HHAT: variants seen among roughly 807,000 people sequenced by gnomAD.
HHAT encodes the protein hedgehog acyltransferase.
HHAT carries 47 observed loss-of-function variants against 70.8 expected under a neutral mutation model. The observed-to-expected ratio is 0.66, with a 90% confidence interval of 0.53 to 0.85. The LOEUF is 0.85. Ranked by LOEUF, HHAT falls within the 40% of genes least tolerant of loss-of-function variation. The probability of loss-of-function intolerance (pLI) is 0.00; values close to 1 mark genes in which losing one functional copy is unlikely to be tolerated. For missense variants in HHAT, 609 were observed against 604.8 expected (o/e 1.01, Z -0.07); for synonymous variants, 228 against 247.6 (o/e 0.92, Z 0.74).
chr1:210,487,113 G>A (rs781663954), intron 8 of HHAT, among the ~76,000 whole-genome samples: 1 of 152,172 alleles, frequency 6.6e-6, no homozygotes, highest in African/African-American at 2.4e-5. Context: ...GAGAGGACGG[G>A]CAGGAATGAG....
intron 3 of HHAT, among the ~76,000 whole-genome samples, chr1:210,363,945 A>G (rs1415761456): frequency 2.6e-5 from 4 of 152,156 alleles, no homozygotes; most frequent in African/African-American, 9.7e-5. Flanking sequence ...TGCCTGTACT[A>G]ATATTTTTCT....
chr1:210,417,532 A>G (rs1307249401), intron 6 of HHAT, among the ~76,000 whole-genome samples: 2 of 151,842 alleles, frequency 1.3e-5, no homozygotes, highest in African/African-American at 2.4e-5. Flanking sequence ...ACCATGCCCC[A>G]CCTTATTTTA....
Position 210,351,670 on chromosome 1 carries a change from C to A in HHAT, c.91+2604C>A, listed in dbSNP as rs1285023166. Among the ~76,000 whole-genome samples, 4 of 152,304 alleles carry A rather than the reference C, an allele frequency of 2.6e-5. No individual in the cohort carries two copies. In the East Asian group the frequency reaches 7.7e-4, roughly 29 times the overall value. The stretch of plus-strand genomic sequence containing the variant: ...TCACTCATCCAGGGTGGCTCACTCA[C>A]GTGGCTGGCAGTTGGTGCTGGCTTT... On this transcript the variant is annotated intron_variant, in intron 2 of 11. Transcript: ENST00000261458.
chr1:210,557,714 G>A (rs1044145416), intron 9 of HHAT, among the ~76,000 whole-genome samples: 1 of 152,126 alleles, frequency 6.6e-6, no homozygotes, highest in Non-Finnish European at 1.5e-5. Context: ...TCACTATCAC[G>A]AGAACAGCAC....
chr1:210,357,205 G>A (rs1362563149), intron 2 of HHAT, among the ~76,000 whole-genome samples: 1 of 152,076 alleles, frequency 6.6e-6, no homozygotes, highest in Non-Finnish European at 1.5e-5. Flanking sequence ...TTTTCCTCCT[G>A]GGTTAACACT....
intron 7 of HHAT, among the ~76,000 whole-genome samples, chr1:210,422,627 A>G (rs988830410): frequency 2.2e-4 from 34 of 152,112 alleles, no homozygotes; most frequent in Admixed American, 2.1e-3. Flanking sequence ...GTGTAAAAAT[A>G]CCACATTTTC....
At chr1:210,450,918 TA>T (rs2093742104) in intron 7 of HHAT, among the ~76,000 whole-genome samples, 1 of 151,880 alleles carries the variant, frequency 6.6e-6, no homozygotes, top group African/African-American at 2.4e-5. Flanking sequence ...CCGTCTCTAC[TA>T]AAAATACAAA....
At chr1:210,330,689 A>G (rs1162550064) in intron 1 of HHAT, among the ~76,000 whole-genome samples, 1 of 152,194 alleles carries the variant, frequency 6.6e-6, no homozygotes, top group African/African-American at 2.4e-5. Context: ...GACCTGGCCC[A>G]GGGGGAATGT....
intron 6 of HHAT, among the ~76,000 whole-genome samples, chr1:210,415,684 A>T (rs915612003): frequency 6.6e-6 from 1 of 151,870 alleles, no homozygotes; most frequent in African/African-American, 2.4e-5. Context: ...TTTGAGACAG[A>T]GTCTCTGTCT....
chr1:210,474,625 G>A (rs1300415808), intron 8 of HHAT, among the ~76,000 whole-genome samples: 1 of 152,098 alleles, frequency 6.6e-6, no homozygotes, highest in Admixed American at 6.5e-5. Context: ...TGCATTCCAG[G>A]TTCTGTGTTT....
intron 7 of HHAT, among the ~76,000 whole-genome samples, chr1:210,437,581 C>G (rs967064354): frequency 1.3e-5 from 2 of 151,838 alleles, no homozygotes; most frequent in Non-Finnish European, 2.9e-5. Context: ...GCAAAGCTTT[C>G]ATTGCTGCCA....
chr1:210,608,487 G>A (rs376840514), intron 10 of HHAT, among the ~76,000 whole-genome samples: 2 of 152,042 alleles, frequency 1.3e-5, no homozygotes, highest in East Asian at 3.9e-4. Flanking sequence ...TTCTGCTAGG[G>A]AAAGCCCCTA....
intron 11 of HHAT, among the ~76,000 whole-genome samples, chr1:210,640,095 C>T (rs539506941): frequency 6.6e-6 from 1 of 152,174 alleles, no homozygotes; most frequent in Non-Finnish European, 1.5e-5. Context: ...TTTCTTCAAG[C>T]CTGGAAGTGT....
At chr1:210,457,046 C>G (rs2093884165) in intron 7 of HHAT, among the ~76,000 whole-genome samples, 1 of 152,170 alleles carries the variant, frequency 6.6e-6, no homozygotes, top group South Asian at 2.1e-4. Context: ...CCTGACCAAG[C>G]ACGTTACAGA....
intron 11 of HHAT, among the ~76,000 whole-genome samples, chr1:210,633,745 G>A (rs1248080321): frequency 6.6e-6 from 1 of 152,202 alleles, no homozygotes; most frequent in African/African-American, 2.4e-5. Context: ...CTTCCGGGCA[G>A]GGCAGGCAGA....
At chr1:210,627,495 A>G (rs1337461056) in intron 11 of HHAT, among the ~76,000 whole-genome samples, 1 of 152,144 alleles carries the variant, frequency 6.6e-6, no homozygotes, top group African/African-American at 2.4e-5. Flanking sequence ...TCTGTGGGTC[A>G]TATGGGTGAT....
rs146511624 is a variant in HHAT, at chr1:210,547,650, A to G, written c.1043+34462A>G. On this transcript the variant is annotated intron_variant, in intron 9 of 11. Transcript: ENST00000261458. ...TATTGGACACCATTTTGTGCATAAC[A>G]CTGAGTTGGGAGCTGTGAGGAAGAT... is the stretch of plus-strand genomic sequence containing the variant. Among the ~76,000 whole-genome samples, 688 of 152,282 alleles carry G rather than the reference A, an allele frequency of 4.5e-3. 5 individuals carry two copies. The highest frequency in any genetic ancestry group is 0.016 in the African/African-American group (667 of 41,548).
At chr1:210,432,266 G>A (rs1347366087) in intron 7 of HHAT, among the ~76,000 whole-genome samples, 3 of 151,768 alleles carry the variant, frequency 2.0e-5, no homozygotes, top group Non-Finnish European at 4.4e-5. Flanking sequence ...GAATAAAGGA[G>A]GGCCAAGTAT....
At chr1:210,559,859 CTA>C (rs1445033840) in intron 9 of HHAT, among the ~76,000 whole-genome samples, 7 of 152,306 alleles carry the variant, frequency 4.6e-5, no homozygotes, top group Non-Finnish European at 7.3e-5. Flanking sequence ...GTATCAGACT[CTA>C]TTATCTGAGA....
Sources: gnomAD v4.1 joint callset for allele counts (sites outside exome capture counted in the v4.1 genomes callset) on GRCh38, gnomAD v4.1.1 for gene constraint, MANE v1.5 for transcripts, NCBI Gene and HGNC (gene_info 2026-07-23, HGNC 2026-07-21) for gene names.